The following TBC1D9 variants were observed in gnomAD, a reference collection of about 807,000 sequenced individuals.
TBC1D9 encodes TBC1 domain family member 9A.
Under a neutral mutation model 132.0 loss-of-function variants are expected in TBC1D9, and 63 were observed. That is an observed-to-expected ratio of 0.48 (90% CI 0.39 to 0.59). The LOEUF (loss-of-function observed/expected upper bound fraction) is 0.59. Among genes scored for constraint, TBC1D9 ranks in the 20% least tolerant of loss-of-function variants. The pLI is 0.00. For missense variants in TBC1D9, 1,261 were observed against 1,592.7 expected, an observed-to-expected ratio of 0.79 and a Z score of 3.54; for synonymous variants, 610 against 609.9, an observed-to-expected ratio of 1.00 and a Z score of 0.00.
At position 140,669,010 on chromosome 4, in the gene TBC1D9, C is replaced by T; in HGVS notation, c.1495G>A (p.Gly499Arg). ...TTCTCTGTGCGGTACATGCAGATCCCTTGCCCATACTCAGCAAAGTGAATC... is the reference window on the plus strand; with the variant it reads ...TTCTCTGTGCGGTACATGCAGATCCTTTGCCCATACTCAGCAAAGTGAATC... ...WKIHFAEYGQ[G>R]ICMYRTEKTR... Residue 499 changes from glycine (G) to arginine (R), a missense_variant, in exon 9 of 21, where the codon GGG becomes AGG. This residue lies in a region of TBC1D9 where 550 missense variants were observed against 699.0 expected (regional missense o/e 0.79). Transcript: ENST00000442267. 6.2e-7 allele frequency: 1 copy of T among 1,614,028 alleles called. No individual in the cohort carries two copies. Among genetic ancestry groups the T allele is most frequent in the Non-Finnish European group, 8.5e-7 (1 of 1,179,882 alleles).
intron 1 of TBC1D9, among the ~76,000 whole-genome samples, chr4:140,718,121 A>G (rs1378085500): frequency 6.6e-6 from 1 of 152,112 alleles, no homozygotes; most frequent in African/African-American, 2.4e-5. Context: ...AGTAATTAGT[A>G]TATACTAATT....
chr4:140,755,946 C>T lies in TBC1D9; in HGVS notation c.100G>A (p.Gly34Ser). ...FILQRRKGHA[G>S]DGGGGGGLAG... ...AGTCCGCCGCCGCCGCCTCCATCGC[C>T]GGCGTGGCCCTTCCTCCGCTGCAGG... Residue 34 changes from glycine to serine, a missense_variant, in exon 1 of 21, where the codon GGC becomes AGC. Gly to Ser is a moderately conservative substitution (Grantham distance 56). Transcript: ENST00000442267. The T allele has an allele frequency of 6.3e-7, 1 of 1,592,590 alleles. No individual in the cohort carries two copies. The highest frequency in any genetic ancestry group is 8.5e-7 in the Non-Finnish European group (1 of 1,170,938).
rs906490638 is a variant in TBC1D9, at chr4:140,689,307, C to T, written c.242-2845G>A. Among the ~76,000 whole-genome samples the T allele has an allele frequency of 1.3e-5, 2 of 152,204 alleles. 1 individual carries two copies. Among genetic ancestry groups the T allele is most frequent in the African/African-American group, 4.8e-5 (2 of 41,526 alleles). Reference sequence around the variant, plus strand: ...AATCCCATGGAATCCAACACTATTCCTTGGTTGTCGTGGATAGAAAAGCCC... The same window carrying T: ...AATCCCATGGAATCCAACACTATTCTTTGGTTGTCGTGGATAGAAAAGCCC... On this transcript the variant is annotated intron_variant, in intron 2 of 20. Coordinates refer to ENST00000442267, the MANE Select transcript of TBC1D9 (RefSeq NM_015130.3).
chr4:140,642,275 G>A (rs1737013603), intron 13 of TBC1D9: 3 of 707,122 alleles, frequency 4.2e-6, no homozygotes, highest in Non-Finnish European at 7.6e-6. Flanking sequence ...TGCTCACTTC[G>A]GAGGCAAACG....
intron 15 of TBC1D9, among the ~76,000 whole-genome samples, chr4:140,636,883 G>C (rs552721718): frequency 6.6e-6 from 1 of 152,184 alleles, no homozygotes; most frequent in South Asian, 2.1e-4. Context: ...CACCAACCGA[G>C]TCTCAGGTTC....
chr4:140,658,377 C>A (rs1737303936), intron 11 of TBC1D9, among the ~76,000 whole-genome samples: 1 of 152,080 alleles, frequency 6.6e-6, no homozygotes, highest in African/African-American at 2.4e-5. Flanking sequence ...TAATGGTAAA[C>A]AGTTGTGTAT....
intron 1 of TBC1D9, among the ~76,000 whole-genome samples, chr4:140,723,324 G>A (rs1738451214): frequency 6.6e-6 from 1 of 152,088 alleles, no homozygotes; most frequent in South Asian, 2.1e-4. Context: ...CTGGCTTCAG[G>A]TCTTTACTTC....
chr4:140,679,295 T>A lies in TBC1D9; in HGVS notation c.590-92A>T, dbSNP rs72718387. On this transcript the variant is annotated intron_variant, in intron 4 of 20. Coordinates refer to ENST00000442267, the MANE Select transcript of TBC1D9 (RefSeq NM_015130.3). ...TCACAACCCCACTCCCCCATCCCAC[T>A]GAACTCCTTTGAGTTTATAATACCA... 2.1e-4 allele frequency: 284 copies of A among 1,333,904 alleles called. 1 individual carries two copies. The highest frequency in any genetic ancestry group is 2.8e-4 in the Non-Finnish European group (274 of 969,182). 82.6% of individuals were successfully genotyped at this position (1,333,904 alleles called of 1,614,324 possible).
intron 10 of TBC1D9, among the ~76,000 whole-genome samples, chr4:140,661,273 T>TA (rs1186569804): frequency 1.3e-5 from 2 of 152,230 alleles, no homozygotes; most frequent in African/African-American, 4.8e-5. Flanking sequence ...TTGGCATCTA[T>TA]ACCAGTACAA....
At chr4:140,693,505 T>C (rs1353321601) in intron 2 of TBC1D9, among the ~76,000 whole-genome samples, 1 of 152,234 alleles carries the variant, frequency 6.6e-6, no homozygotes, top group Non-Finnish European at 1.5e-5. Flanking sequence ...TCAGATTTCT[T>C]GTCTGTAATA....
At chr4:140,714,549 C>T (rs1362979849) in intron 1 of TBC1D9, among the ~76,000 whole-genome samples, 1 of 152,110 alleles carries the variant, frequency 6.6e-6, no homozygotes, top group Middle Eastern at 3.2e-3. Flanking sequence ...GATGATGTCT[C>T]ATAGGTGGCC....
At chr4:140,644,252 C>T in intron 13 of TBC1D9, 1 of 307,812 alleles carries the variant, frequency 3.2e-6, no homozygotes, top group Non-Finnish European at 6.4e-6. Flanking sequence ...ACTCCAAGTC[C>T]TTCTTCTCGA....
At chr4:140,635,052 T>A (rs1468378041) in intron 15 of TBC1D9, among the ~76,000 whole-genome samples, 4 of 152,088 alleles carry the variant, frequency 2.6e-5, no homozygotes, top group Non-Finnish European at 5.9e-5. Context: ...CACACAGGCA[T>A]TTATAGTTAA....
intron 13 of TBC1D9, among the ~76,000 whole-genome samples, chr4:140,647,562 G>T (rs529930041): frequency 2.2e-4 from 34 of 152,308 alleles, no homozygotes; most frequent in African/African-American, 8.2e-4. Flanking sequence ...AACTGTGTTG[G>T]AGATAAAGTT....
intron 1 of TBC1D9, among the ~76,000 whole-genome samples, chr4:140,745,498 T>C (rs552131989): frequency 3.9e-5 from 6 of 152,318 alleles, no homozygotes; most frequent in Non-Finnish European, 8.8e-5. Flanking sequence ...CTCAACTTTG[T>C]GAAGACGATG....
chr4:140,733,860 C>G (rs576788610), intron 1 of TBC1D9, among the ~76,000 whole-genome samples: 1 of 152,230 alleles, frequency 6.6e-6, no homozygotes, highest in African/African-American at 2.4e-5. Context: ...GACAACTTAC[C>G]ATTCCAAATA....
intron 1 of TBC1D9, among the ~76,000 whole-genome samples, chr4:140,723,807 G>A (rs1738458990): frequency 6.6e-6 from 1 of 151,992 alleles, no homozygotes; most frequent in South Asian, 2.1e-4. Flanking sequence ...TGCCCAGACT[G>A]GAGTGTGTGG....
intron 2 of TBC1D9, among the ~76,000 whole-genome samples, chr4:140,697,794 G>A (rs1737993368): frequency 6.6e-6 from 1 of 152,148 alleles, no homozygotes; most frequent in African/African-American, 2.4e-5. Flanking sequence ...AAATGTCAAT[G>A]ACAACAAAGG....
chr4:140,683,493 C>G (rs1042594968), intron 3 of TBC1D9, among the ~76,000 whole-genome samples: 1 of 152,302 alleles, frequency 6.6e-6, no homozygotes, highest in Middle Eastern at 3.4e-3. Flanking sequence ...ACAGGTTTCG[C>G]ATAATATAAA....
Sources: allele counts gnomAD v4.1 joint callset (sites outside exome capture counted in the v4.1 genomes callset), GRCh38; gene constraint gnomAD v4.1.1; regional missense constraint gnomAD v4.1.1; transcripts MANE v1.5; gene names NCBI Gene and HGNC (gene_info 2026-07-23, HGNC 2026-07-21).